ROBO1: variants seen among roughly 807,000 people sequenced by gnomAD.
ROBO1 encodes the protein roundabout homolog 1.
ROBO1 carries 149 observed loss-of-function variants against 195.9 expected under a neutral mutation model. That is an observed-to-expected ratio of 0.76 (90% CI 0.67 to 0.87). The LOEUF (loss-of-function observed/expected upper bound fraction) is 0.87. Among genes scored for constraint, ROBO1 ranks in the 40% least tolerant of loss-of-function variants. The pLI, the probability that ROBO1 is intolerant of heterozygous loss-of-function variation, is 0.00. For synonymous variants in ROBO1, 816 were observed against 733.2 expected, an observed-to-expected ratio of 1.11 and a Z score of -1.82; for missense variants, 1,933 against 2,068.3, an observed-to-expected ratio of 0.93 and a Z score of 1.27.
Position 78,670,162 on chromosome 3 carries a change from G to A in ROBO1, c.1482C>T (p.Leu494=), listed in dbSNP as rs761728831. The A allele has an allele frequency of 4.3e-6, 7 of 1,613,154 alleles. No individual in the cohort carries two copies. The highest frequency in any genetic ancestry group is 2.2e-5 in the South Asian group (2 of 90,924). The part of the protein sequence containing the change: ...PTILWRKDGV[L]VSTQDSRIKQ... ...TGATTCGAGAGTCTTGGGTTGAAAC[G>A]AGGACTCCATCCTTTCTCCACAGAA... Residue 494 remains leucine, a synonymous_variant, in exon 11 of 31, where the codon CTC becomes CTT. Coordinates refer to ENST00000464233, the MANE Select transcript of ROBO1 (RefSeq NM_002941.4).
chr3:79,745,664 A>G (rs1703842612), intron 1 of ROBO1, among the ~76,000 whole-genome samples: 3 of 152,314 alleles, frequency 2.0e-5, no homozygotes, highest in Admixed American at 2.0e-4. Flanking sequence ...TGTCATTATC[A>G]TGTAAAAAGA....
intron 22 of ROBO1, among the ~76,000 whole-genome samples, chr3:78,638,715 A>T (rs1020763867): frequency 2.6e-5 from 4 of 152,056 alleles, no homozygotes; most frequent in African/African-American, 9.6e-5. Context: ...TACAAAAAAA[A>T]TTTTTTAAAT....
chr3:79,400,420 C>T (rs2037323772), intron 2 of ROBO1, among the ~76,000 whole-genome samples: 1 of 152,054 alleles, frequency 6.6e-6, no homozygotes, highest in Non-Finnish European at 1.5e-5. Flanking sequence ...AATTACCCTC[C>T]CATTTCAAGT....
chr3:79,726,624 T>C (rs778595424), intron 1 of ROBO1, among the ~76,000 whole-genome samples: 9 of 152,308 alleles, frequency 5.9e-5, no homozygotes, highest in Non-Finnish European at 1.3e-4. Context: ...AGTTTTGAGA[T>C]TATTGGCATT....
chr3:79,218,258 C>G (rs2082084942), intron 2 of ROBO1, among the ~76,000 whole-genome samples: 1 of 151,946 alleles, frequency 6.6e-6, no homozygotes, highest in South Asian at 2.1e-4. Context: ...AACTTTGCAT[C>G]CTATTGTCAT....
At chr3:78,746,417 C>T (rs1032815773) in intron 5 of ROBO1, among the ~76,000 whole-genome samples, 1 of 152,018 alleles carries the variant, frequency 6.6e-6, no homozygotes, top group Non-Finnish European at 1.5e-5. Flanking sequence ...CTTTAATAAA[C>T]AGTTTTTACT....
intron 2 of ROBO1, among the ~76,000 whole-genome samples, chr3:79,291,359 C>A (rs1004589019): frequency 1.3e-5 from 2 of 151,582 alleles, no homozygotes; most frequent in Non-Finnish European, 2.9e-5. Context: ...CCCTCTCCAA[C>A]CTTTTAGTAT....
intron 3 of ROBO1, among the ~76,000 whole-genome samples, chr3:79,101,036 C>G (rs181885207): frequency 6.6e-6 from 1 of 151,604 alleles, no homozygotes; most frequent in Non-Finnish European, 1.5e-5. Context: ...AGCAGATGGT[C>G]AGAGGTATAT....
chr3:79,576,485 A>T (rs1264961514), intron 2 of ROBO1, among the ~76,000 whole-genome samples: 3 of 152,054 alleles, frequency 2.0e-5, no homozygotes, highest in African/African-American at 7.2e-5. Context: ...TACAATCTTT[A>T]TTTAAACTGT....
At chr3:78,764,760 A>G (rs1576117523) in intron 4 of ROBO1, among the ~76,000 whole-genome samples, 1 of 152,172 alleles carries the variant, frequency 6.6e-6, no homozygotes, top group East Asian at 1.9e-4. Context: ...CAGGAATTTT[A>G]TTCTCAGGCT....
In ROBO1 at chr3:78,984,765, G is replaced by T. The variant is rs193155149; in HGVS notation, c.173-45838C>A. On this transcript the variant is annotated intron_variant, in intron 3 of 30. Coordinates refer to ENST00000464233, the MANE Select transcript of ROBO1 (RefSeq NM_002941.4). The stretch of plus-strand genomic sequence containing the variant: ...ACTTGTTCCAAGAAAGTAAAACAAA[G>T]TGATGGCATTAGCATAAAAGGGCAG... Among the ~76,000 whole-genome samples the T allele has an allele frequency of 3.3e-5, 5 of 152,278 alleles. No individual in the cohort carries two copies. In the East Asian group the frequency reaches 7.7e-4, roughly 23 times the overall value.
intron 19 of ROBO1, among the ~76,000 whole-genome samples, chr3:78,649,877 C>T (rs988632054): frequency 6.6e-6 from 1 of 152,120 alleles, no homozygotes; most frequent in African/African-American, 2.4e-5. Flanking sequence ...GAAAAAGAAA[C>T]ATTTCAGTAG....
At chr3:79,622,141 G>A (rs1341831923) in intron 1 of ROBO1, among the ~76,000 whole-genome samples, 1 of 152,118 alleles carries the variant, frequency 6.6e-6, no homozygotes, top group East Asian at 1.9e-4. Context: ...CAAGGGAAGT[G>A]GTGAGTGAGC....
chr3:79,410,413 G>A (rs1042195405), intron 2 of ROBO1, among the ~76,000 whole-genome samples: 3 of 151,706 alleles, frequency 2.0e-5, no homozygotes, highest in Non-Finnish European at 2.9e-5. Context: ...TGGACTTTAT[G>A]GTAAAAATAA....
At position 79,373,537 on chromosome 3, in the gene ROBO1, A is replaced by G. The variant is rs187092277; in HGVS notation, c.88+216287T>C. The stretch of plus-strand genomic sequence containing the variant: ...TCAACAAGCTGTGCTCCTCAGATAC[A>G]CACAGAAAAACTGAAATTCTACAGA... On this transcript the variant is annotated intron_variant, in intron 2 of 30. Transcript: ENST00000464233. Among the ~76,000 whole-genome samples, 452 of 152,348 alleles carry G rather than the reference A, an allele frequency of 3.0e-3. 2 individuals are homozygous for G. The highest frequency in any genetic ancestry group is 5.4e-3 in the South Asian group (26 of 4,832).
At chr3:78,642,687 G>A (rs1706040170) in intron 21 of ROBO1, among the ~76,000 whole-genome samples, 1 of 152,194 alleles carries the variant, frequency 6.6e-6, no homozygotes, top group South Asian at 2.1e-4. Flanking sequence ...AAACAAATGA[G>A]TAGCAACGGC....
chr3:78,677,992 A>T (rs1353547240), intron 10 of ROBO1, among the ~76,000 whole-genome samples: 1 of 151,918 alleles, frequency 6.6e-6, no homozygotes, highest in East Asian at 1.9e-4. Flanking sequence ...CCACAGTGCA[A>T]TCAAACTAGA....
intron 1 of ROBO1, among the ~76,000 whole-genome samples, chr3:79,719,047 C>T (rs895452648): frequency 3.3e-5 from 5 of 151,788 alleles, no homozygotes; most frequent in Admixed American, 1.3e-4. Context: ...AAAATAAAGA[C>T]ATTATTTATA....
At chr3:78,624,025 G>C (rs1012947453) in intron 26 of ROBO1, among the ~76,000 whole-genome samples, 5 of 152,072 alleles carry the variant, frequency 3.3e-5, no homozygotes, top group African/African-American at 1.2e-4. Context: ...AAAAAAGGTA[G>C]ATACAATTAA....
Sources: gnomAD v4.1 joint callset for allele counts (sites outside exome capture counted in the v4.1 genomes callset) on GRCh38, gnomAD v4.1.1 for gene constraint, MANE v1.5 for transcripts, NCBI Gene and HGNC (gene_info 2026-07-23, HGNC 2026-07-21) for gene names.